Variants in ZFAT observed in about 807,000 individuals in gnomAD.
ZFAT encodes zinc finger and AT-hook domain containing, also known as zinc finger protein ZFAT.
A neutral mutation model predicts 117.7 loss-of-function variants in ZFAT; 64 were observed. The ratio of observed to expected loss-of-function variants is 0.54; its 90% CI spans 0.44 to 0.67. The LOEUF (loss-of-function observed/expected upper bound fraction) is 0.67. Among genes scored for constraint, ZFAT ranks in the 30% least tolerant of loss-of-function variants. The pLI is 0.00. For missense variants in ZFAT, 1,433 were observed against 1,584.5 expected, an observed-to-expected ratio of 0.90 and a Z score of 1.62; for synonymous variants, 679 against 615.0, an observed-to-expected ratio of 1.10 and a Z score of -1.54.
chr8:134,645,670 T>C (rs896544873), intron 2 of ZFAT, among the ~76,000 whole-genome samples: 35 of 152,228 alleles, frequency 2.3e-4, no homozygotes, highest in African/African-American at 7.0e-4. Context: ...ACTTACTATA[T>C]AGGTAATCTT....
chr8:134,829,469 C>T, the ZFAT span, among the ~76,000 whole-genome samples: 3 of 152,154 alleles, frequency 2.0e-5, no homozygotes, highest in Non-Finnish European at 4.4e-5. Context: ...ACTTTGTCCC[C>T]AAATACTTTT....
chr8:134,532,753 G>T, intron 12 of ZFAT, 81 bp downstream of exon 12: 1 of 1,541,984 alleles, frequency 6.5e-7, no homozygotes. Context: ...CTGAACTGCA[G>T]GATGTCAGCA....
chr8:134,802,671 GGT>G, the ZFAT span, among the ~76,000 whole-genome samples: 1 of 152,102 alleles, frequency 6.6e-6, no homozygotes, highest in South Asian at 2.1e-4. Flanking sequence ...TTTACAGAAT[GGT>G]GTTCAGTAAC....
At chr8:134,679,641 T>C (rs888478588) in intron 1 of ZFAT, among the ~76,000 whole-genome samples, 2 of 152,208 alleles carry the variant, frequency 1.3e-5, no homozygotes, top group East Asian at 1.9e-4. Flanking sequence ...TTCACACATA[T>C]GTTTATTACA....
chr8:134,567,450 A>ACCATCCATCCATCCAT (rs35445440), intron 10 of ZFAT, among the ~76,000 whole-genome samples: 3 of 145,534 alleles, frequency 2.1e-5, no homozygotes, highest in South Asian at 2.2e-4. Context: ...AACCCTACCA[A>ACCATCCATCCATCCAT]CCATCCATCC....
At chr8:134,759,990 A>G in the ZFAT span, among the ~76,000 whole-genome samples, 1 of 148,676 alleles carries the variant, frequency 6.7e-6, no homozygotes, top group Non-Finnish European at 1.5e-5. Context: ...AAAAAAAAAA[A>G]CAAACAGAGG....
the ZFAT span, among the ~76,000 whole-genome samples, chr8:134,782,767 T>C: frequency 6.6e-6 from 1 of 152,110 alleles, no homozygotes; most frequent in African/African-American, 2.4e-5. Context: ...CGTGGAACTA[T>C]GAGTCCATTA....
chr8:134,770,628 A>G, the ZFAT span, among the ~76,000 whole-genome samples: 2 of 152,224 alleles, frequency 1.3e-5, no homozygotes, highest in East Asian at 3.8e-4. Flanking sequence ...GAACAAGATA[A>G]CAGCAATGTT....
intron 2 of ZFAT, among the ~76,000 whole-genome samples, chr8:134,656,808 C>T (rs149231349): frequency 3.0e-4 from 45 of 152,278 alleles, no homozygotes; most frequent in Non-Finnish European, 4.1e-4. Flanking sequence ...ATCTTTGCAG[C>T]GGTTCCTCAT....
intron 1 of ZFAT, among the ~76,000 whole-genome samples, chr8:134,673,943 C>G (rs1485220090): frequency 1.3e-5 from 2 of 152,168 alleles, no homozygotes; most frequent in Non-Finnish European, 2.9e-5. Context: ...GAAATCCCGT[C>G]TCTACTAAAA....
chr8:134,689,341 C>CTG (rs764423839), intron 1 of ZFAT, among the ~76,000 whole-genome samples: 4 of 152,236 alleles, frequency 2.6e-5, no homozygotes, highest in Non-Finnish European at 5.9e-5. Flanking sequence ...AGCCCTGCTC[C>CTG]ACAGGAGCGG....
rs1308033516 is a variant in ZFAT, at chr8:134,478,843, G to A, written c.3493-122C>T. ...CTGCGGGAGCACGTCCATTCTCCAC[G>A]GATCCTCTCTACCAGGCTGTGCTTG... On this transcript the variant is annotated intron_variant, in intron 15 of 15. Transcript: ENST00000377838. This position sits in a 1 kb window ranked among gnomAD's most constrained non-coding sequence, Gnocchi z 5.2. The A allele has an allele frequency of 5.0e-6, 7 of 1,386,528 alleles. No homozygotes were observed. Among genetic ancestry groups the A allele is most frequent in the African/African-American group, 2.9e-5 (2 of 69,740 alleles). 85.9% of individuals were successfully genotyped at this position (1,386,528 alleles called of 1,614,324 possible). A position where few individuals can be genotyped will look rare whatever the true frequency, so the allele number is the denominator to read the frequency against.
the ZFAT span, among the ~76,000 whole-genome samples, chr8:134,767,694 G>A: frequency 9.5e-3 from 1,449 of 152,282 alleles, 9 homozygotes; most frequent in Middle Eastern, 0.017. Flanking sequence ...TTTTGGCTTC[G>A]ATTTTACTGT....
chr8:134,508,579 A>G (rs1819587158), intron 15 of ZFAT, among the ~76,000 whole-genome samples: 2 of 151,964 alleles, frequency 1.3e-5, no homozygotes, highest in Admixed American at 1.3e-4. Context: ...ACCCCAACCC[A>G]CACTCCTGGA....
intron 15 of ZFAT, among the ~76,000 whole-genome samples, chr8:134,487,764 T>C (rs895727250): frequency 6.0e-4 from 92 of 152,286 alleles, no homozygotes; most frequent in African/African-American, 2.0e-3. Flanking sequence ...GCTCCGTCAG[T>C]GCCCCCTACA....
chr8:134,538,910 T>C (rs1293887810), intron 11 of ZFAT, among the ~76,000 whole-genome samples: 1 of 152,102 alleles, frequency 6.6e-6, no homozygotes, highest in African/African-American at 2.4e-5. Flanking sequence ...TAAGTCCTTA[T>C]TTTTATGTCA....
At chr8:134,575,755 T>A (rs1825252471) in intron 10 of ZFAT, among the ~76,000 whole-genome samples, 1 of 152,228 alleles carries the variant, frequency 6.6e-6, no homozygotes, top group Admixed American at 6.5e-5. Flanking sequence ...ACACAGAGGT[T>A]TGCTGCTTCA....
the ZFAT span, among the ~76,000 whole-genome samples, chr8:134,773,582 T>C: frequency 2.0e-5 from 3 of 152,240 alleles, no homozygotes; most frequent in African/African-American, 7.2e-5. Context: ...GAAAGTAAGT[T>C]GAAAACTTTC....
At chr8:134,562,883 C>CA (rs1350497804) in intron 11 of ZFAT, among the ~76,000 whole-genome samples, 1 of 152,118 alleles carries the variant, frequency 6.6e-6, no homozygotes, top group African/African-American at 2.4e-5. Context: ...GATTTCAGGG[C>CA]AAAAAGGCTG....
Sources: gnomAD v4.1 joint callset for allele counts (sites outside exome capture counted in the v4.1 genomes callset) on GRCh38, gnomAD v4.1.1 for gene constraint, Gnocchi (gnomAD v3.1) non-coding constraint, MANE v1.5 for transcripts, NCBI Gene and HGNC (gene_info 2026-07-23, HGNC 2026-07-21) for gene names.